The following SLCO1A2 variants were observed in gnomAD, a reference collection of about 807,000 sequenced individuals.
The protein encoded by SLCO1A2 is solute carrier organic anion transporter family member 1A2, also known as OATP-1.
In SLCO1A2, 67 loss-of-function variants were observed where a neutral mutation model predicts 69.0. That is an observed-to-expected ratio of 0.97 (90% CI 0.80 to 1.19). The LOEUF (loss-of-function observed/expected upper bound fraction) is 1.19. Ranked by LOEUF, SLCO1A2 falls within the 50% of genes most tolerant of loss-of-function variation. The pLI is 0.00. For synonymous variants in SLCO1A2, 260 were observed against 265.9 expected (o/e 0.98, Z 0.22); for missense variants, 787 against 793.7 (o/e 0.99, Z 0.10).
intron 2 of SLCO1A2, among the ~76,000 whole-genome samples, chr12:21,369,331 C>T (rs1939619065): frequency 6.6e-6 from 1 of 152,108 alleles, no homozygotes; most frequent in South Asian, 2.1e-4. Context: ...CCTCAGCAAC[C>T]ACCCTGGTCT....
chr12:21,334,844 A>C lies in SLCO1A2; in HGVS notation c.-80T>G. The C allele has an allele frequency of 2.1e-6, 1 of 466,718 alleles. No individual in the cohort carries two copies. Among genetic ancestry groups the C allele is most frequent in the South Asian group, 4.0e-5 (1 of 25,290 alleles). 28.9% of individuals were successfully genotyped at this position (466,718 alleles called of 1,614,324 possible). A position where few individuals can be genotyped will look rare whatever the true frequency, so the allele number is the denominator to read the frequency against. The stretch of plus-strand genomic sequence containing the variant: ...AAAAATACCTGGAACGCTTTAATAC[A>C]GATTAGAAAATCATGGTGTTAGAGA... On this transcript the variant is annotated 5_prime_UTR_variant, in exon 1 of 15. Transcript: ENST00000683939.
intron 10 of SLCO1A2, 42 bp downstream of exon 10, chr12:21,295,555 C>A (rs755146788): frequency 4.8e-6 from 6 of 1,238,730 alleles, no homozygotes; most frequent in East Asian, 2.3e-5. Context: ...TCATATTAAC[C>A]ATTTGTTGAA....
rs542017037 is a variant in SLCO1A2, at chr12:21,296,853, A to G, written c.1075+551T>C. Among the ~76,000 whole-genome samples, 89 of 152,312 alleles carry G rather than the reference A, an allele frequency of 5.8e-4. No homozygotes were observed. The Middle Eastern group carries it at 0.017, about 29-fold the overall frequency. On this transcript the variant is annotated intron_variant, in intron 9 of 14. Transcript: ENST00000683939. ...AAGCACTTTAGGTAGTGTGGATACA[A>G]GTAGCCTGGGATATTGACTTTTAAA...
rs140190533 is a variant in SLCO1A2, at chr12:21,401,809, CTAGT to C, written c.-312+16069_-312+16072del. On this transcript the variant is annotated intron_variant, in intron 1 of 4. Coordinates refer to the SLCO1A2 transcript ENST00000413682. ...ACATGTTATGACCACAAAAAATGTACTAGTTACTGTACAAAACTGAGTTTATAAC... is the reference window on the plus strand; with the variant it reads ...ACATGTTATGACCACAAAAAATGTACTACTGTACAAAACTGAGTTTATAAC... 2.9e-3 allele frequency among the ~76,000 whole-genome samples: 446 copies of C among 151,712 alleles called. 2 individuals are homozygous for C. Among genetic ancestry groups the C allele is most frequent in the African/African-American group, 0.01 (424 of 41,486 alleles).
intron 1 of SLCO1A2, among the ~76,000 whole-genome samples, chr12:21,401,042 C>CA (rs71043272): frequency 0.047 from 6,819 of 145,386 alleles, 164 homozygotes; most frequent in African/African-American, 0.057. Flanking sequence ...AAAAAAAAGA[C>CA]AAAAAAAAAA....
intron 1 of SLCO1A2, among the ~76,000 whole-genome samples, chr12:21,385,660 C>T (rs1163842879): frequency 2.6e-5 from 4 of 152,184 alleles, no homozygotes; most frequent in Non-Finnish European, 5.9e-5. Context: ...GACCCATATA[C>T]ATTTGCAATC....
At chr12:21,332,625 G>T (rs530176746) in intron 2 of SLCO1A2, among the ~76,000 whole-genome samples, 1 of 152,066 alleles carries the variant, frequency 6.6e-6, no homozygotes. Flanking sequence ...GGGAGCAGGG[G>T]GTGGGAGGGT....
Position 21,269,551 on chromosome 12 carries a change from C to T in SLCO1A2, c.2010G>A (p.Leu670=), listed in dbSNP as rs772138880. 1.0e-5 allele frequency: 16 copies of T among 1,604,354 alleles called. No homozygotes were observed. The Admixed American group carries it at 2.5e-4, about 25-fold the overall frequency. Reference sequence around the variant, plus strand: ...AAAAAGTAATATAATAGGACAATTACAATTTAGTTTTCAATTCATCATCTT... The same window carrying T: ...AAAAAGTAATATAATAGGACAATTATAATTTAGTTTTCAATTCATCATCTT... ...VLKDDELKTK[L] is the part of the protein sequence containing the mutation. The change falls in exon 15 of 15, where the codon TTG becomes TTA. Residue 670 remains leucine (L), a synonymous_variant. Coordinates refer to ENST00000683939, the MANE Select transcript of SLCO1A2 (RefSeq NM_001386879.1).
chr12:21,295,558 T>G, intron 10 of SLCO1A2, 39 bp downstream of exon 10: 1 of 1,274,214 alleles, frequency 7.8e-7, no homozygotes, highest in Non-Finnish European at 1.1e-6. Flanking sequence ...TATTAACCAT[T>G]TGTTGAAAGA....
chr12:21,267,060 T>A lies in SLCO1A2; in HGVS notation c.*2488A>T, dbSNP rs1942145748. On this transcript the variant is annotated 3_prime_UTR_variant, in exon 15 of 15. Coordinates refer to ENST00000683939, the MANE Select transcript of SLCO1A2 (RefSeq NM_001386879.1). ...ACCCTCATGAGAGTAGTACAAGTGCTCAGAATAAGAACTAAACTCCCAGGC... is the reference window on the plus strand; with the variant it reads ...ACCCTCATGAGAGTAGTACAAGTGCACAGAATAAGAACTAAACTCCCAGGC... The A allele has an allele frequency of 6.6e-6, 1 of 151,964 alleles. No individual in the cohort carries two copies. Among genetic ancestry groups the A allele is most frequent in the Non-Finnish European group, 1.5e-5 (1 of 67,998 alleles). The allele number at this position is 151,964 out of a possible 1,614,324, so 9.4% of individuals were successfully genotyped here. A position where few individuals can be genotyped will look rare whatever the true frequency, so the allele number is the denominator to read the frequency against.
intron 3 of SLCO1A2, among the ~76,000 whole-genome samples, chr12:21,315,116 G>A (rs2136695963): frequency 6.6e-6 from 1 of 152,262 alleles, no homozygotes; most frequent in Admixed American, 6.5e-5. Flanking sequence ...AGAAAGAGAA[G>A]CAAAAGTCAA....
chr12:21,300,301 AT>A, intron 8 of SLCO1A2, 46 bp downstream of exon 8: 2 of 1,345,536 alleles, frequency 1.5e-6, no homozygotes, highest in Admixed American at 2.0e-5. Flanking sequence ...ACATATCTAT[AT>A]GAAATAAAAG....
intron 1 of SLCO1A2, among the ~76,000 whole-genome samples, chr12:21,389,121 A>C (rs915750426): frequency 1.3e-5 from 2 of 152,188 alleles, no homozygotes; most frequent in Non-Finnish European, 2.9e-5. Context: ...ACTACCTTAC[A>C]ACCAAATATG....
intron 3 of SLCO1A2, among the ~76,000 whole-genome samples, chr12:21,316,751 C>T (rs1434905432): frequency 6.6e-6 from 1 of 152,108 alleles, no homozygotes; most frequent in Non-Finnish European, 1.5e-5. Flanking sequence ...TGAATAACCT[C>T]ATAAATTCTC....
chr12:21,319,585 G>A, intron 2 of SLCO1A2: 2 of 699,994 alleles, frequency 2.9e-6, no homozygotes, highest in South Asian at 1.6e-5. Context: ...CTCAGCTGCA[G>A]TGTAAATGGA....
At chr12:21,269,825 A>G in intron 14 of SLCO1A2, 58 bp from the exon 15 acceptor site, 1 of 1,304,870 alleles carries the variant, frequency 7.7e-7, no homozygotes, top group South Asian at 1.6e-5. Context: ...AGTGCAAACT[A>G]AATTTGTATA....
chr12:21,388,104 T>C (rs979621062), intron 1 of SLCO1A2, among the ~76,000 whole-genome samples: 6 of 152,184 alleles, frequency 3.9e-5, no homozygotes, highest in East Asian at 1.9e-4. Flanking sequence ...TGTACCCCTA[T>C]TGTATCTAGG....
rs1299263122 is a variant in SLCO1A2 at position 21,268,386 on chromosome 12, A to C, written c.*1162T>G. 6.6e-6 allele frequency: 1 copy of C among 152,000 alleles called. No individual in the cohort carries two copies. Among genetic ancestry groups the C allele is most frequent in the Non-Finnish European group, 1.5e-5 (1 of 67,978 alleles). The allele number at this position is 152,000 out of a possible 1,614,324, so 9.4% of individuals were successfully genotyped here. ...CTTCCTTACTCCATTCTCTTCATCC[A>C]TTAGGGATTTATGTCATTCTTATAT... On this transcript the variant is annotated 3_prime_UTR_variant, in exon 15 of 15. Transcript: ENST00000683939.
At chr12:21,326,993 G>A (rs560494889) in intron 2 of SLCO1A2, among the ~76,000 whole-genome samples, 80 of 152,214 alleles carry the variant, frequency 5.3e-4, no homozygotes, top group African/African-American at 1.7e-3. Flanking sequence ...AATGTCTCCC[G>A]GACATGTCAG....
Sources: gnomAD v4.1 joint callset for allele counts (sites outside exome capture counted in the v4.1 genomes callset) on GRCh38, gnomAD v4.1.1 for gene constraint, MANE v1.5 for transcripts, NCBI Gene and HGNC (gene_info 2026-07-23, HGNC 2026-07-21) for gene names.